The following CCDC14 variants were observed in gnomAD, a reference collection of about 807,000 sequenced individuals.
CCDC14 encodes coiled-coil domain-containing protein 14.
CCDC14 carries 71 observed loss-of-function variants against 81.4 expected under a neutral mutation model. The observed-to-expected ratio is 0.87, with a 90% CI of 0.72 to 1.06. The LOEUF (loss-of-function observed/expected upper bound fraction) is 1.06. Ranked by LOEUF, CCDC14 falls within the 50% of genes least tolerant of loss-of-function variation. The probability of loss-of-function intolerance (pLI) is 0.00; values close to 1 mark genes in which losing one functional copy is unlikely to be tolerated. For missense variants in CCDC14, 1,046 were observed against 1,047.3 expected, an observed-to-expected ratio of 1.00 and a Z score of 0.02; for synonymous variants, 332 against 364.8, an observed-to-expected ratio of 0.91 and a Z score of 1.03.
chr3:123,956,715 G>A (rs942684212), intron 2 of CCDC14, 25 bp downstream of exon 2: 58 of 1,534,058 alleles, frequency 3.8e-5, no homozygotes, highest in Non-Finnish European at 4.5e-5. Context: ...GAAATCTGAA[G>A]TTGTAAACGT....
intron 8 of CCDC14, among the ~76,000 whole-genome samples, chr3:123,946,246 A>G (rs778872040): frequency 6.6e-5 from 10 of 151,958 alleles, no homozygotes; most frequent in Admixed American, 6.6e-5. Flanking sequence ...AGCCATTACT[A>G]TAGAATACAT....
intron 1 of CCDC14, chr3:123,958,552 T>C (rs2037480365): frequency 6.6e-6 from 1 of 152,068 alleles, no homozygotes; most frequent in South Asian, 2.1e-4. Flanking sequence ...ACATTTTCCA[T>C]ATTCTCTCTC....
At chr3:123,943,284 G>T (rs1357573038) in intron 9 of CCDC14, among the ~76,000 whole-genome samples, 1 of 151,972 alleles carries the variant, frequency 6.6e-6, no homozygotes, top group Non-Finnish European at 1.5e-5. Flanking sequence ...TCCTGAAGCA[G>T]CTTCAGACCA....
chr3:123,919,735 A>T (rs2034930941), intron 12 of CCDC14, among the ~76,000 whole-genome samples: 1 of 152,230 alleles, frequency 6.6e-6, no homozygotes, highest in South Asian at 2.1e-4. Context: ...CCAGAATCCC[A>T]GGCTAGACTA....
intron 3 of CCDC14, 117 bp from the exon 4 acceptor site, chr3:123,956,232 T>A (rs1361770209): frequency 7.9e-7 from 1 of 1,268,846 alleles, no homozygotes; most frequent in Non-Finnish European, 1.1e-6. Flanking sequence ...GTAGAAAAGA[T>A]GTTTTAAAGC....
downstream of CCDC14, among the ~76,000 whole-genome samples, chr3:123,893,648 G>A (rs571771787): frequency 9.4e-4 from 143 of 152,024 alleles, no homozygotes; most frequent in Middle Eastern, 3.4e-3. Flanking sequence ...AGAAACCACC[G>A]AACTGTTTCG....
At chr3:123,906,006 G>C (rs1464909467) in intron 5 of CCDC14, among the ~76,000 whole-genome samples, 1 of 152,202 alleles carries the variant, frequency 6.6e-6, no homozygotes, top group Non-Finnish European at 1.5e-5. Flanking sequence ...CTGCAGAATA[G>C]GGATAGCTGA....
Position 123,948,698 on chromosome 3 carries a change from A to T in CCDC14, c.677T>A (p.Val226Asp). ...TATAAGAACTGTACGCACAGAATGA[A>T]CCTTTGGAGGGCAGGGTGGCCGCTG... ...SLQRPPCPPK[V>D]HSEVQTDGNS... The change falls in exon 7 of 13, where the codon GTT becomes GAT. Residue 226 changes from valine to aspartate, a missense_variant. Val to Asp is a radical substitution (Grantham distance 152). Coordinates refer to ENST00000409697, the MANE Select transcript of CCDC14 (RefSeq NM_001366335.1). The T allele has an allele frequency of 6.3e-7, 1 of 1,598,934 alleles. No individual in the cohort carries two copies. Among genetic ancestry groups the T allele is most frequent in the Non-Finnish European group, 8.5e-7 (1 of 1,175,634 alleles).
At chr3:123,912,877 C>T (rs944251093), downstream of CCDC14, among the ~76,000 whole-genome samples, 9 of 152,130 alleles carry the variant, frequency 5.9e-5, no homozygotes, top group East Asian at 1.9e-4. Context: ...ACCACCCCCT[C>T]CCCACCTCTA....
chr3:123,947,037 TCTGA>T lies in CCDC14; in HGVS notation c.963_966del (p.Ser321ArgfsTer36). The T allele has an allele frequency of 6.2e-7, 1 of 1,614,034 alleles. No homozygotes were observed. The highest frequency in any genetic ancestry group is 8.5e-7 in the Non-Finnish European group (1 of 1,179,896). ...TGTGACTGAGTAGGGCTTCGGTGTG[TCTGA>T]CTGTCCAGATGCGTTTCTTTTCCAT... On this transcript the variant is annotated frameshift_variant, in exon 8 of 13. Coordinates refer to ENST00000409697, the MANE Select transcript of CCDC14 (RefSeq NM_001366335.1). LOFTEE classifies it high-confidence loss of function.
intron 5 of CCDC14, among the ~76,000 whole-genome samples, chr3:123,901,716 G>A (rs1425527656): frequency 1.3e-5 from 2 of 152,126 alleles, no homozygotes; most frequent in African/African-American, 4.8e-5. Context: ...TATAAACAAA[G>A]TTAATAGCAG....
intron 9 of CCDC14, among the ~76,000 whole-genome samples, chr3:123,938,334 A>G (rs934900737): frequency 2.0e-5 from 3 of 151,874 alleles, no homozygotes; most frequent in Non-Finnish European, 2.9e-5. Flanking sequence ...TGGGTCTTAC[A>G]TATTTTTCAA....
intron 12 of CCDC14, among the ~76,000 whole-genome samples, chr3:123,922,972 A>T (rs537205700): frequency 2.0e-5 from 3 of 152,172 alleles, no homozygotes; most frequent in Non-Finnish European, 4.4e-5. Context: ...AAAGAACACT[A>T]CAAGAAAAGA....
chr3:123,905,577 A>C (rs1054292615), intron 5 of CCDC14, among the ~76,000 whole-genome samples: 5 of 152,218 alleles, frequency 3.3e-5, no homozygotes, highest in African/African-American at 1.2e-4. Context: ...GAAACAGGGA[A>C]TGATCAAACC....
At chr3:123,893,493 T>C (rs1194717477), downstream of CCDC14, among the ~76,000 whole-genome samples, 1 of 152,234 alleles carries the variant, frequency 6.6e-6, no homozygotes, top group East Asian at 1.9e-4. Context: ...GGGTTGTTTT[T>C]ACATTTTGGC....
chr3:123,949,145 A>T lies in CCDC14; in HGVS notation c.353-13T>A. ...TTATCTGAAGATGCTAATGTGGAAGAAGAAAAAAGTTCTTGAAATATGATT... is the reference window on the plus strand; with the variant it reads ...TTATCTGAAGATGCTAATGTGGAAGTAGAAAAAAGTTCTTGAAATATGATT... On this transcript the variant is annotated splice_polypyrimidine_tract_variant and intron_variant, in intron 5 of 12. Coordinates refer to ENST00000409697, the MANE Select transcript of CCDC14 (RefSeq NM_001366335.1). 12 of 1,500,212 alleles carry T rather than the reference A, an allele frequency of 8.0e-6. No individual in the cohort carries two copies. Among genetic ancestry groups the T allele is most frequent in the Non-Finnish European group, 1.1e-5 (12 of 1,094,944 alleles). The allele number at this position is 1,500,212 out of a possible 1,614,324, so 92.9% of individuals were successfully genotyped here. A position where few individuals can be genotyped will look rare whatever the true frequency, so the allele number is the denominator to read the frequency against.
chr3:123,933,611 T>C, intron 10 of CCDC14, 62 bp downstream of exon 10: 1 of 1,169,100 alleles, frequency 8.6e-7, no homozygotes, highest in Non-Finnish European at 1.2e-6. Context: ...AAAAGCTCAA[T>C]TCTTTATCAA....
At chr3:123,938,766 T>C (rs985128589) in intron 9 of CCDC14, among the ~76,000 whole-genome samples, 1 of 151,950 alleles carries the variant, frequency 6.6e-6, no homozygotes, top group Non-Finnish European at 1.5e-5. Flanking sequence ...TTTTAAAATA[T>C]TATGCATTGA....
At chr3:123,905,790 T>G (rs1367070239) in intron 5 of CCDC14, among the ~76,000 whole-genome samples, 1 of 152,134 alleles carries the variant, frequency 6.6e-6, no homozygotes. Flanking sequence ...AATAATGATA[T>G]AAACTACGTG....
Sources: allele counts gnomAD v4.1 joint callset (sites outside exome capture counted in the v4.1 genomes callset), GRCh38; gene constraint gnomAD v4.1.1; transcripts MANE v1.5; gene names NCBI Gene and HGNC (gene_info 2026-07-23, HGNC 2026-07-21).